Variants in SPAG17 observed in about 807,000 individuals in gnomAD.
SPAG17 encodes the protein sperm associated antigen 17.
SPAG17 carries 169 observed loss-of-function variants against 273.6 expected under a neutral mutation model. That is an observed-to-expected ratio of 0.62 (90% CI 0.55 to 0.70). The LOEUF (loss-of-function observed/expected upper bound fraction) is 0.70, where lower values mean the gene tolerates loss of function less well. Among genes scored for constraint, SPAG17 ranks in the 30% least tolerant of loss-of-function variants. SPAG17 has a pLI of 0.00. For synonymous variants in SPAG17, 825 were observed against 873.2 expected (o/e 0.94, Z 0.97); for missense variants, 2,557 against 2,627.8 (o/e 0.97, Z 0.59).
intron 29 of SPAG17, among the ~76,000 whole-genome samples, chr1:118,014,184 T>G (rs1025601952): frequency 6.6e-6 from 1 of 152,096 alleles, no homozygotes; most frequent in Non-Finnish European, 1.5e-5. Flanking sequence ...ACAATAGTAG[T>G]TTGTTGTGAG....
intron 7 of SPAG17, among the ~76,000 whole-genome samples, chr1:118,096,489 T>C (rs1462023682): frequency 1.3e-5 from 2 of 151,982 alleles, no homozygotes; most frequent in Non-Finnish European, 2.9e-5. Context: ...TCATTTCAGC[T>C]CCCTTAACGC....
intron 1 of SPAG17, among the ~76,000 whole-genome samples, chr1:118,166,578 A>T (rs1207193580): frequency 6.6e-6 from 1 of 151,510 alleles, no homozygotes; most frequent in East Asian, 1.9e-4. Context: ...ATTTTGTCTA[A>T]TTTTTTTTTC....
In SPAG17 at chr1:118,063,301, A is replaced by T. The variant is rs528096889; in HGVS notation, c.2540+3444T>A. On this transcript the variant is annotated intron_variant, in intron 18 of 48. Coordinates refer to ENST00000336338, the MANE Select transcript of SPAG17 (RefSeq NM_206996.4). ...AGTCAATCTTCAGCCAAAAGAACATAGCTGGAGACATCACGCTACCTGACT... is the reference window on the plus strand; with the variant it reads ...AGTCAATCTTCAGCCAAAAGAACATTGCTGGAGACATCACGCTACCTGACT... Among the ~76,000 whole-genome samples, 39 of 152,336 alleles carry T rather than the reference A, an allele frequency of 2.6e-4. 1 individual carries two copies. Among genetic ancestry groups the T allele is most frequent in the Admixed American group, 2.2e-3 (33 of 15,298 alleles).
In SPAG17 at chr1:118,012,328, T is replaced by C. The variant is rs746328344; in HGVS notation, c.4332A>G (p.Lys1444=). 13 of 1,613,708 alleles carry C rather than the reference T, an allele frequency of 8.1e-6. 1 individual carries two copies. The South Asian group carries it at 1.3e-4, about 16-fold the overall frequency. The change falls in exon 30 of 49, where the codon AAA becomes AAG. Residue 1444 remains lysine, a synonymous_variant. Coordinates refer to ENST00000336338, the MANE Select transcript of SPAG17 (RefSeq NM_206996.4). ...REDKVVIVER[K]DGTRIVDHAD... ...CATGATCCACTATCCGAGTACCATC[T>C]TTCCTTTCAACTATGACAACTTTGT... is the stretch of plus-strand genomic sequence containing the variant.
intron 3 of SPAG17, among the ~76,000 whole-genome samples, chr1:118,132,320 G>A (rs775669231): frequency 4.6e-5 from 7 of 152,184 alleles, no homozygotes; most frequent in Non-Finnish European, 1.0e-4. Context: ...GACCCAGGAA[G>A]AAGGACTGAG....
At chr1:118,038,777 G>C (rs1375161623) in intron 23 of SPAG17, among the ~76,000 whole-genome samples, 1 of 152,094 alleles carries the variant, frequency 6.6e-6, no homozygotes, top group African/African-American at 2.4e-5. Context: ...GAAGGAGGGA[G>C]AGATGAATAG....
At chr1:118,007,551 A>T (rs1217975255) in intron 31 of SPAG17, among the ~76,000 whole-genome samples, 1 of 152,218 alleles carries the variant, frequency 6.6e-6, no homozygotes, top group East Asian at 1.9e-4. Context: ...TTCCAAGGAC[A>T]GAGCTTTGCT....
At chr1:117,992,682 G>A in intron 35 of SPAG17, 34 bp from the exon 36 acceptor site, 1 of 1,486,840 alleles carries the variant, frequency 6.7e-7, no homozygotes, top group Non-Finnish European at 9.0e-7. Context: ...CACCACCAAA[G>A]AAATCAGAAT....
At chr1:118,073,422 GA>G (rs1187432926) in intron 17 of SPAG17, among the ~76,000 whole-genome samples, 1 of 152,188 alleles carries the variant, frequency 6.6e-6, no homozygotes, top group East Asian at 1.9e-4. Flanking sequence ...AGTGCTCAAT[GA>G]ATGTTGGCTA....
chr1:118,097,924 A>G, intron 6 of SPAG17, 73 bp from the exon 7 acceptor site: 1 of 1,001,790 alleles, frequency 1.0e-6, no homozygotes, highest in Non-Finnish European at 1.4e-6. Context: ...GAACATGGTG[A>G]GTCATATGCA....
intron 3 of SPAG17, among the ~76,000 whole-genome samples, chr1:118,134,962 C>G (rs1035894567): frequency 6.6e-6 from 1 of 152,150 alleles, no homozygotes; most frequent in Non-Finnish European, 1.5e-5. Context: ...CTCATTGCAC[C>G]TTTTAAAATG....
At chr1:117,992,360 A>T in intron 36 of SPAG17, 106 bp downstream of exon 36, 1 of 1,111,900 alleles carries the variant, frequency 9.0e-7, no homozygotes, top group Non-Finnish European at 1.3e-6. Context: ...GTGTTGCACT[A>T]GACAAATATT....
chr1:118,005,741 G>T, intron 31 of SPAG17, 139 bp from the exon 32 acceptor site: 1 of 580,564 alleles, frequency 1.7e-6, no homozygotes, highest in South Asian at 4.6e-5. Flanking sequence ...ATTAATCAAG[G>T]GAGGACTTAA....
At chr1:118,127,837 T>A (rs551744794) in intron 3 of SPAG17, among the ~76,000 whole-genome samples, 4 of 152,144 alleles carry the variant, frequency 2.6e-5, no homozygotes, top group Non-Finnish European at 4.4e-5. Context: ...AATTGATTCC[T>A]AGGTGGCTGG....
chr1:117,964,009 T>C, intron 47 of SPAG17, 71 bp from the exon 48 acceptor site: 1 of 1,496,124 alleles, frequency 6.7e-7, no homozygotes, highest in Non-Finnish European at 9.0e-7. Context: ...AATAACATTT[T>C]AGAATCATAG....
At chr1:118,141,288 C>T (rs776826450) in intron 3 of SPAG17, among the ~76,000 whole-genome samples, 1 of 152,096 alleles carries the variant, frequency 6.6e-6, no homozygotes, top group Non-Finnish European at 1.5e-5. Flanking sequence ...GAAACATTTC[C>T]TAAACCTTAG....
intron 20 of SPAG17, among the ~76,000 whole-genome samples, chr1:118,048,860 C>T (rs556873753): frequency 3.3e-5 from 5 of 152,138 alleles, no homozygotes; most frequent in East Asian, 3.9e-4. Context: ...TGCACCACTG[C>T]ACTCCAGCCT....
At chr1:118,084,076 T>G (rs1052722544) in intron 13 of SPAG17, among the ~76,000 whole-genome samples, 3 of 151,770 alleles carry the variant, frequency 2.0e-5, no homozygotes, top group African/African-American at 7.3e-5. Flanking sequence ...GAAGGGAGAA[T>G]GGAGTCACAT....
chr1:118,000,620 G>C (rs574767578), intron 32 of SPAG17, among the ~76,000 whole-genome samples: 1 of 152,072 alleles, frequency 6.6e-6, no homozygotes. Context: ...TTGGCTCTCC[G>C]CTTGTCTGTT....
Sources: gnomAD v4.1 joint callset for allele counts (sites outside exome capture counted in the v4.1 genomes callset) on GRCh38, gnomAD v4.1.1 for gene constraint, MANE v1.5 for transcripts, NCBI Gene and HGNC (gene_info 2026-07-23, HGNC 2026-07-21) for gene names.